ACLY: variants seen among roughly 807,000 people sequenced by gnomAD.
ACLY encodes the protein ATP citrate lyase, also known as ATP-citrate synthase.
ACLY carries 41 observed loss-of-function variants against 133.0 expected under a neutral mutation model. The observed-to-expected ratio is 0.31, with a 90% CI of 0.24 to 0.40. ACLY has a LOEUF of 0.40. Among genes scored for constraint, ACLY ranks in the 10% least tolerant of loss-of-function variants. The pLI, the probability that ACLY is intolerant of heterozygous loss-of-function variation, is 1.00. For synonymous variants in ACLY, 495 were observed against 549.3 expected (o/e 0.90, Z 1.38); for missense variants, 1,046 against 1,453.8 (o/e 0.72, Z 4.56).
intron 28 of ACLY, among the ~76,000 whole-genome samples, 188 bp downstream of exon 28, chr17:41,868,516 TTAAAG>T (rs1833253811): frequency 6.9e-6 from 1 of 144,990 alleles, no homozygotes; most frequent in Non-Finnish European, 1.5e-5. Context: ...AGGGGAAAGG[TTAAAG>T]TAAGAAAGGA....
upstream of ACLY, among the ~76,000 whole-genome samples, chr17:41,922,855 C>A (rs1555635598): frequency 1.3e-5 from 2 of 152,164 alleles, no homozygotes; most frequent in Non-Finnish European, 2.9e-5. Flanking sequence ...CCAGAGGGCC[C>A]ATGAGCCAGC....
chr17:41,899,295 A>G (rs1157702657), intron 11 of ACLY, among the ~76,000 whole-genome samples: 1 of 151,706 alleles, frequency 6.6e-6, no homozygotes, highest in South Asian at 2.1e-4. Flanking sequence ...AAAAAACCAC[A>G]TAAGAAACAT....
chr17:41,914,289 C>T (rs1555634164), intron 1 of ACLY, among the ~76,000 whole-genome samples: 1 of 152,096 alleles, frequency 6.6e-6, no homozygotes, highest in African/African-American at 2.4e-5. Context: ...GTGCTGGTCC[C>T]ATCTGAGGTG....
chr17:41,893,630 G>A (rs1226962201), intron 14 of ACLY, among the ~76,000 whole-genome samples: 3 of 152,210 alleles, frequency 2.0e-5, no homozygotes. Flanking sequence ...TTATTACCCT[G>A]TAAATCTGGA....
chr17:41,908,053 G>T (rs879998461), intron 6 of ACLY, among the ~76,000 whole-genome samples: 11 of 152,160 alleles, frequency 7.2e-5, no homozygotes, highest in Non-Finnish European at 1.3e-4. Context: ...CCAATCAGCA[G>T]GATTCGTTTA....
chr17:41,903,812 C>G (rs1345893082), intron 10 of ACLY, among the ~76,000 whole-genome samples: 1 of 141,058 alleles, frequency 7.1e-6, no homozygotes, highest in Non-Finnish European at 1.5e-5. Context: ...CAGAGTCTCA[C>G]GAGAGTGTTG....
chr17:41,904,425 T>G, intron 10 of ACLY: 1 of 334,208 alleles, frequency 3.0e-6, no homozygotes. Flanking sequence ...AAAGGATCGA[T>G]TGAGCCAGTG....
chr17:41,869,254 G>A (rs1313542195), intron 26 of ACLY, 129 bp from the exon 27 acceptor site: 11 of 925,602 alleles, frequency 1.2e-5, no homozygotes, highest in East Asian at 7.4e-5. Context: ...CCCACTGGTC[G>A]ACACTGTGTC....
At chr17:41,881,643 T>C (rs60256712) in intron 20 of ACLY, among the ~76,000 whole-genome samples, 15,661 of 151,926 alleles carry the variant, frequency 0.1, 898 homozygotes, top group Middle Eastern at 0.16. Flanking sequence ...TCTACCAAGA[T>C]CTGATTTTAA....
chr17:41,918,989 C>T, upstream of ACLY: 1 of 1,287,244 alleles, frequency 7.8e-7, no homozygotes, highest in Non-Finnish European at 1.0e-6. Flanking sequence ...TTGTCCCGGC[C>T]CAGCCGGACT....
chr17:41,896,671 G>A, intron 13 of ACLY, 22 bp from the exon 14 acceptor site: 1 of 1,564,326 alleles, frequency 6.4e-7, no homozygotes, highest in Non-Finnish European at 8.7e-7. Context: ...AATGACCAAG[G>A]CAACTGAGTG....
chr17:41,890,148 TTA>T (rs1359375099), intron 16 of ACLY, among the ~76,000 whole-genome samples: 2 of 152,166 alleles, frequency 1.3e-5, no homozygotes, highest in African/African-American at 4.8e-5. Flanking sequence ...AGAAAGCAGA[TTA>T]TATGAGTGGC....
At chr17:41,906,953 C>T (rs1296188386) in intron 7 of ACLY, among the ~76,000 whole-genome samples, 1 of 152,220 alleles carries the variant, frequency 6.6e-6, no homozygotes, top group Non-Finnish European at 1.5e-5. Context: ...CATGCCCTCA[C>T]CCCAGCATCT....
At chr17:41,922,189 TA>T (rs1225159644), upstream of ACLY, among the ~76,000 whole-genome samples, 2 of 151,190 alleles carry the variant, frequency 1.3e-5, no homozygotes, top group Admixed American at 1.3e-4. Context: ...CTATCCTGGC[TA>T]ACAAAGTGAA....
chr17:41,928,998 G>C (rs1356932353), intron 1 of ACLY, among the ~76,000 whole-genome samples: 1 of 151,580 alleles, frequency 6.6e-6, no homozygotes, highest in Non-Finnish European at 1.5e-5. Flanking sequence ...CCTTAACTTA[G>C]AACAGGACCA....
At chr17:41,877,587 T>C (rs578001687) in intron 22 of ACLY, among the ~76,000 whole-genome samples, 8 of 152,202 alleles carry the variant, frequency 5.3e-5, no homozygotes, top group African/African-American at 1.7e-4. Context: ...AAGTGTCAAC[T>C]TGACTGGATT....
intron 1 of ACLY, among the ~76,000 whole-genome samples, chr17:41,926,970 G>A (rs868980072): frequency 4.3e-4 from 66 of 151,918 alleles, no homozygotes; most frequent in African/African-American, 1.5e-3. Context: ...CCAGGTTCAC[G>A]TGATTCTCCT....
intron 17 of ACLY, among the ~76,000 whole-genome samples, chr17:41,887,212 G>A (rs1229554320): frequency 4.6e-5 from 7 of 151,618 alleles, no homozygotes; most frequent in Admixed American, 4.6e-4. Context: ...GCCGAGGTGG[G>A]TGGATCACCC....
chr17:41,902,710 A>G (rs2049575717), intron 10 of ACLY, among the ~76,000 whole-genome samples: 1 of 152,244 alleles, frequency 6.6e-6, no homozygotes. Flanking sequence ...AAGGGTCAGT[A>G]CAGGGCAGCT....
Sources: gnomAD v4.1 joint callset for allele counts (sites outside exome capture counted in the v4.1 genomes callset) on GRCh38, gnomAD v4.1.1 for gene constraint, MANE v1.5 for transcripts, NCBI Gene and HGNC (gene_info 2026-07-23, HGNC 2026-07-21) for gene names.